ANO10: variants seen among roughly 807,000 people sequenced by gnomAD.
ANO10 encodes the protein anoctamin-10.
A neutral mutation model predicts 74.7 loss-of-function variants in ANO10; 77 were observed. The ratio of observed to expected loss-of-function variants is 1.03; its 90% CI spans 0.86 to 1.25. The LOEUF (loss-of-function observed/expected upper bound fraction) is 1.25, where lower values mean the gene tolerates loss of function less well. Ranked by LOEUF, ANO10 falls within the 50% of genes most tolerant of loss-of-function variation. The probability of loss-of-function intolerance (pLI) is 0.00; values close to 1 mark genes in which losing one functional copy is unlikely to be tolerated. For missense variants in ANO10, 721 were observed against 778.1 expected (o/e 0.93, Z 0.87); for synonymous variants, 279 against 284.9 (o/e 0.98, Z 0.21).
chr3:43,682,112 A>C (rs1260574124), intron 1 of ANO10, among the ~76,000 whole-genome samples: 1 of 152,216 alleles, frequency 6.6e-6, no homozygotes, highest in Non-Finnish European at 1.5e-5. Context: ...AGACACAAAA[A>C]ACCCTTCAAA....
At chr3:43,418,437 T>A (rs1167203453) in intron 12 of ANO10, among the ~76,000 whole-genome samples, 1 of 152,200 alleles carries the variant, frequency 6.6e-6, no homozygotes, top group Non-Finnish European at 1.5e-5. Context: ...TTTTTCAAAG[T>A]GCTGAGGGTC....
At chr3:43,435,597 G>A (rs2093054902) in intron 11 of ANO10, among the ~76,000 whole-genome samples, 1 of 151,726 alleles carries the variant, frequency 6.6e-6, no homozygotes, top group African/African-American at 2.4e-5. Flanking sequence ...CAGGGCCAGA[G>A]TGCTCAGATG....
chr3:43,572,098 G>A lies in ANO10; in HGVS notation c.1218+2711C>T, dbSNP rs547111030. Among the ~76,000 whole-genome samples the A allele has an allele frequency of 4.7e-4, 72 of 152,294 alleles. No individual in the cohort carries two copies. In the Middle Eastern group the frequency reaches 0.014, roughly 29 times the overall value. On this transcript the variant is annotated intron_variant, in intron 7 of 12. Transcript: ENST00000292246. ...TAAGTTCCCCCACCCAACAGAAGGAGGAGACCAAGGCCTGACATTTCCCAA... is the reference window on the plus strand; with the variant it reads ...TAAGTTCCCCCACCCAACAGAAGGAAGAGACCAAGGCCTGACATTTCCCAA...
chr3:43,580,276 A>G, intron 5 of ANO10, 77 bp downstream of exon 5: 2 of 1,589,738 alleles, frequency 1.3e-6, no homozygotes, highest in Non-Finnish European at 1.7e-6. Context: ...TGCCCAAGGG[A>G]GCTGACTCCA....
chr3:43,381,992 A>G (rs994396903), intron 12 of ANO10, among the ~76,000 whole-genome samples: 2 of 152,236 alleles, frequency 1.3e-5, no homozygotes, highest in Admixed American at 6.5e-5. Flanking sequence ...TGAAATCAAG[A>G]TGGAAATTAA....
chr3:43,682,199 G>A (rs1335684455), intron 1 of ANO10, among the ~76,000 whole-genome samples: 1 of 151,870 alleles, frequency 6.6e-6, no homozygotes, highest in African/African-American at 2.4e-5. Context: ...TAATAAAGAA[G>A]AAAAGAGAGA....
chr3:43,603,298 G>A (rs1055131585), intron 2 of ANO10, among the ~76,000 whole-genome samples: 9 of 152,000 alleles, frequency 5.9e-5, no homozygotes, highest in African/African-American at 2.2e-4. Context: ...ACTTTTCTTT[G>A]TTCTCTTTCT....
intron 11 of ANO10, chr3:43,485,971 C>A: frequency 4.3e-6 from 1 of 233,680 alleles, no homozygotes; most frequent in Non-Finnish European, 8.6e-6. Flanking sequence ...AATATTTTAC[C>A]CCAAAGTATA....
At chr3:43,489,742 C>G (rs2076646233) in intron 11 of ANO10, among the ~76,000 whole-genome samples, 1 of 152,128 alleles carries the variant, frequency 6.6e-6, no homozygotes, top group Non-Finnish European at 1.5e-5. Flanking sequence ...AAAAATATTT[C>G]TCTTTTCTTT....
At chr3:43,555,179 TAA>T in intron 10 of ANO10, 97 bp downstream of exon 10, 1 of 1,264,482 alleles carries the variant, frequency 7.9e-7, no homozygotes, top group Non-Finnish European at 1.1e-6. Flanking sequence ...TCAGTTTTCC[TAA>T]ATCTCTCTGT....
At position 43,657,736 on chromosome 3, in the gene ANO10, G is replaced by A. The variant is rs114264380; in HGVS notation, c.-12+33781C>T. Among the ~76,000 whole-genome samples, 324 of 152,270 alleles carry A rather than the reference G, an allele frequency of 2.1e-3. 1 individual carries two copies. The highest frequency in any genetic ancestry group is 3.9e-3 in the Non-Finnish European group (268 of 68,016). On this transcript the variant is annotated intron_variant, in intron 1 of 3. Coordinates refer to the ANO10 transcript ENST00000413397. ...TGTTATCCAGCCTCCTAGCCATTCT[G>A]TCACCCCTGATATCCTTCAGGTATA...
rs548678313 is a variant in ANO10 at position 43,673,910 on chromosome 3, C to T, written c.-12+17607G>A. Among the ~76,000 whole-genome samples the T allele has an allele frequency of 2.6e-5, 4 of 152,190 alleles. No individual in the cohort carries two copies. In the South Asian group the frequency reaches 8.3e-4, roughly 32 times the overall value. On this transcript the variant is annotated intron_variant, in intron 1 of 3. Transcript: ENST00000413397. ...AATGACACTAGAACTTGAAATTGTACAATCAGATAAAAGCCTGTTCTATGG... is the reference window on the plus strand; with the variant it reads ...AATGACACTAGAACTTGAAATTGTATAATCAGATAAAAGCCTGTTCTATGG...
intron 4 of ANO10, among the ~76,000 whole-genome samples, chr3:43,581,962 C>G (rs1303108998): frequency 6.6e-6 from 1 of 151,102 alleles, no homozygotes; most frequent in Non-Finnish European, 1.5e-5. Context: ...ATAAAATTTG[C>G]ATTAAGAAAG....
intron 12 of ANO10, among the ~76,000 whole-genome samples, chr3:43,368,612 T>C (rs2091491424): frequency 6.6e-6 from 1 of 152,142 alleles, no homozygotes; most frequent in Non-Finnish European, 1.5e-5. Flanking sequence ...ATAAAAACTG[T>C]AATATTTCAG....
Position 43,600,529 on chromosome 3 carries a change from T to A in ANO10, c.192A>T (p.Leu64=), listed in dbSNP as rs146432615. The change falls in exon 3 of 13, where the codon CTA becomes CTT. Residue 64 remains leucine, a synonymous_variant. Transcript: ENST00000292246. ...PLLNKYEQET[L]ENQNLYLVGA... ...CAACAAGATATAAGTTCTGATTTTC[T>A]AGTGTTTCTTGTTCATATTTATTTA... The A allele has an allele frequency of 1.2e-6, 2 of 1,613,830 alleles. No individual in the cohort carries two copies. Among genetic ancestry groups the A allele is most frequent in the Non-Finnish European group, 8.5e-7 (1 of 1,179,700 alleles).
chr3:43,638,789 AC>A, intron 1 of ANO10: 1 of 152,356 alleles, frequency 6.6e-6, no homozygotes, highest in East Asian at 1.9e-4. Flanking sequence ...CAAGGTAGGT[AC>A]CACTCCTGTT....
At chr3:43,662,251 C>A (rs2083934928) in intron 1 of ANO10, among the ~76,000 whole-genome samples, 1 of 152,192 alleles carries the variant, frequency 6.6e-6, no homozygotes, top group African/African-American at 2.4e-5. Flanking sequence ...GATTAAGAAT[C>A]TCACTCAAAA....
chr3:43,571,782 A>C (rs2080736706), intron 7 of ANO10, among the ~76,000 whole-genome samples: 1 of 150,518 alleles, frequency 6.6e-6, no homozygotes, highest in Non-Finnish European at 1.5e-5. Context: ...ACATGTATAC[A>C]TATGTAACTA....
intron 11 of ANO10, among the ~76,000 whole-genome samples, chr3:43,471,868 C>T (rs2075869799): frequency 6.6e-6 from 1 of 152,052 alleles, no homozygotes; most frequent in Non-Finnish European, 1.5e-5. Flanking sequence ...CTGACCTTGC[C>T]TCTTCAAAAA....
Sources: allele counts gnomAD v4.1 joint callset (sites outside exome capture counted in the v4.1 genomes callset), GRCh38; gene constraint gnomAD v4.1.1; transcripts MANE v1.5; gene names NCBI Gene and HGNC (gene_info 2026-07-23, HGNC 2026-07-21).